NDRG3: variants seen among roughly 807,000 people sequenced by gnomAD.
NDRG3 encodes NDRG family member 3.
Under a neutral mutation model 57.2 loss-of-function variants are expected in NDRG3, and 23 were observed. The ratio of observed to expected loss-of-function variants is 0.40; its 90% CI spans 0.29 to 0.57. The LOEUF is 0.57. Among genes scored for constraint, NDRG3 ranks in the 20% least tolerant of loss-of-function variants. The pLI, the probability that NDRG3 is intolerant of heterozygous loss-of-function variation, is 0.42. For missense variants in NDRG3, 384 were observed against 457.3 expected (o/e 0.84, Z 1.46); for synonymous variants, 132 against 162.6 (o/e 0.81, Z 1.43).
intron 12 of NDRG3, among the ~76,000 whole-genome samples, chr20:36,662,035 G>A (rs933999716): frequency 7.2e-5 from 11 of 152,054 alleles, no homozygotes; most frequent in African/African-American, 2.7e-4. Flanking sequence ...TTTAAAAACT[G>A]GATCCCTAAC....
intron 12 of NDRG3, among the ~76,000 whole-genome samples, chr20:36,663,242 T>C (rs1979353758): frequency 1.3e-5 from 2 of 152,200 alleles, no homozygotes; most frequent in African/African-American, 4.8e-5. Context: ...CGTAGTGTTT[T>C]ACAGGGCAGT....
intron 2 of NDRG3, among the ~76,000 whole-genome samples, chr20:36,719,680 G>A (rs1287510200): frequency 1.2e-5 from 1 of 83,178 alleles, no homozygotes; most frequent in Non-Finnish European, 2.4e-5. Context: ...CCCCCTCCCC[G>A]CCCCTCCGCC....
intron 1 of NDRG3, among the ~76,000 whole-genome samples, chr20:36,732,349 C>T (rs377243902): frequency 1.3e-5 from 2 of 152,072 alleles, no homozygotes; most frequent in South Asian, 2.1e-4. Context: ...TGCAGAACAC[C>T]GTTTAAAGCG....
chr20:36,716,033 T>G (rs1432834337), intron 2 of NDRG3, among the ~76,000 whole-genome samples: 2 of 151,834 alleles, frequency 1.3e-5, no homozygotes, highest in African/African-American at 4.8e-5. Context: ...CCCAGGAGGC[T>G]GCAATAAGCC....
chr20:36,688,559 A>C (rs1981986733), intron 4 of NDRG3, 120 bp downstream of exon 4: 25 of 721,368 alleles, frequency 3.5e-5, no homozygotes, highest in Non-Finnish European at 2.4e-5. Context: ...AGGAACAAGG[A>C]GGGAAAGTTA....
rs752474645 is a variant in NDRG3 at position 36,671,415 on chromosome 20, CTG to C, written c.532-20_532-19del. ...CCAGAGAGCTGAAAAGATAAAAACT[CTG>C]TGTTAAGAATGTAAGCATATGCAAA... On this transcript the variant is annotated intron_variant, in intron 8 of 15. Coordinates refer to ENST00000349004, the MANE Select transcript of NDRG3 (RefSeq NM_032013.4). 6.2e-7 allele frequency: 1 copy of C among 1,610,644 alleles called. No homozygotes were observed. The highest frequency in any genetic ancestry group is 1.7e-4 in the Middle Eastern group (1 of 6,052).
chr20:36,704,946 TG>T (rs1983456285), intron 3 of NDRG3, among the ~76,000 whole-genome samples: 1 of 152,258 alleles, frequency 6.6e-6, no homozygotes, highest in East Asian at 1.9e-4. Context: ...TCAGGAAGAA[TG>T]GGGTTTTTCA....
At chr20:36,677,571 A>G (rs1413433250) in intron 8 of NDRG3, among the ~76,000 whole-genome samples, 1 of 152,188 alleles carries the variant, frequency 6.6e-6, no homozygotes, top group African/African-American at 2.4e-5. Flanking sequence ...CTCTCCACTG[A>G]GCGCTTCAGG....
chr20:36,687,343 G>A, intron 5 of NDRG3, 149 bp downstream of exon 5: 1 of 1,004,376 alleles, frequency 1.0e-6, no homozygotes, highest in Non-Finnish European at 1.4e-6. Flanking sequence ...CTCAGCCCAA[G>A]GAGAGAAAAT....
At position 36,736,429 on chromosome 20, in the gene NDRG3, A is replaced by G. The variant is rs187722420; in HGVS notation, c.-49+9616T>C. The stretch of plus-strand genomic sequence containing the variant: ...GATTTCTGAATTCACACAGCCAGCT[A>G]GGTGTGGAGCTGGAACTAGCATGCG... On this transcript the variant is annotated intron_variant, in intron 1 of 15. Coordinates refer to ENST00000349004, the MANE Select transcript of NDRG3 (RefSeq NM_032013.4). 4.3e-3 allele frequency among the ~76,000 whole-genome samples: 653 copies of G among 152,312 alleles called. 12 individuals are homozygous for G. The South Asian group carries it at 0.045, about 11-fold the overall frequency.
At chr20:36,683,535 T>C (rs1262693666) in intron 6 of NDRG3, among the ~76,000 whole-genome samples, 1 of 151,964 alleles carries the variant, frequency 6.6e-6, no homozygotes, top group Non-Finnish European at 1.5e-5. Context: ...GAAAATCGTT[T>C]GAACCCAGGA....
At position 36,671,330 on chromosome 20, in the gene NDRG3, C is replaced by T. The variant is rs1387292850; in HGVS notation, c.588+11G>A. ...ATAAACACAGCTCTTCTGGGTGGAA[C>T]AGGTACTTACCTGCCCAAAGTGATG... On this transcript the variant is annotated intron_variant, in intron 9 of 15. Coordinates refer to ENST00000349004, the MANE Select transcript of NDRG3 (RefSeq NM_032013.4). 3 of 1,610,228 alleles carry T rather than the reference C, an allele frequency of 1.9e-6. No homozygotes were observed. The highest frequency in any genetic ancestry group is 1.3e-5 in the African/African-American group (1 of 74,880).
intron 3 of NDRG3, among the ~76,000 whole-genome samples, chr20:36,706,671 T>C (rs2042657342): frequency 1.3e-5 from 2 of 152,144 alleles, no homozygotes; most frequent in African/African-American, 4.8e-5. Context: ...GCTTGGCTAA[T>C]TTTTGTATTT....
intron 10 of NDRG3, among the ~76,000 whole-genome samples, chr20:36,665,701 C>T (rs986541350): frequency 2.6e-4 from 40 of 152,212 alleles, no homozygotes; most frequent in Non-Finnish European, 5.3e-4. Context: ...CGGGTTCAAG[C>T]GATTCTCCTG....
chr20:36,739,814 G>C (rs1468089466), intron 1 of NDRG3, among the ~76,000 whole-genome samples: 1 of 151,124 alleles, frequency 6.6e-6, no homozygotes, highest in African/African-American at 2.4e-5. Context: ...GGAGGCTGAG[G>C]CAGGAGAATG....
At chr20:36,725,337 T>C (rs370476108) in intron 1 of NDRG3, among the ~76,000 whole-genome samples, 13 of 143,570 alleles carry the variant, frequency 9.1e-5, no homozygotes, top group African/African-American at 3.4e-4. Context: ...TGGCCGGGAA[T>C]GGTGGCTCAC....
intron 2 of NDRG3, among the ~76,000 whole-genome samples, chr20:36,716,892 A>G (rs1275271): frequency 0.024 from 3,712 of 152,286 alleles, 143 homozygotes; most frequent in African/African-American, 0.084. Flanking sequence ...CAAAAGATGT[A>G]GGTTCTAGCC....
chr20:36,733,554 C>CTAAATTTG (rs1985452027), intron 1 of NDRG3, among the ~76,000 whole-genome samples: 1 of 151,924 alleles, frequency 6.6e-6, no homozygotes, highest in Admixed American at 6.6e-5. Context: ...GAAACCCCGT[C>CTAAATTTG]TCTACTAAAT....
At chr20:36,659,384 T>C (rs961518514) in intron 13 of NDRG3, among the ~76,000 whole-genome samples, 3 of 152,140 alleles carry the variant, frequency 2.0e-5, no homozygotes, top group Non-Finnish European at 2.9e-5. Context: ...CAACTCAGCC[T>C]CCCAAAGTGT....
Sources: allele counts gnomAD v4.1 joint callset (sites outside exome capture counted in the v4.1 genomes callset), GRCh38; gene constraint gnomAD v4.1.1; transcripts MANE v1.5; gene names NCBI Gene and HGNC (gene_info 2026-07-23, HGNC 2026-07-21).